QSER1: variants seen among roughly 807,000 people sequenced by gnomAD.
QSER1 encodes the protein glutamine and serine-rich protein 1.
Under a neutral mutation model 158.5 loss-of-function variants are expected in QSER1, and 49 were observed. The ratio of observed to expected loss-of-function variants is 0.31; its 90% CI spans 0.25 to 0.39. The LOEUF (loss-of-function observed/expected upper bound fraction) is 0.39. Among genes scored for constraint, QSER1 ranks in the 10% least tolerant of loss-of-function variants. The probability of loss-of-function intolerance (pLI) is 1.00; values close to 1 mark genes in which losing one functional copy is unlikely to be tolerated. For missense variants in QSER1, 1,754 were observed against 2,010.3 expected, an observed-to-expected ratio of 0.87 and a Z score of 2.44; for synonymous variants, 650 against 715.5, an observed-to-expected ratio of 0.91 and a Z score of 1.46.
At chr11:32,910,779 A>T (rs1259078060) in intron 1 of QSER1, among the ~76,000 whole-genome samples, 6 of 152,202 alleles carry the variant, frequency 3.9e-5, no homozygotes, top group Non-Finnish European at 8.8e-5. Flanking sequence ...GACATTTTAG[A>T]TCTAGGCCAT....
chr11:32,932,145 G>A lies in QSER1; in HGVS notation c.887G>A (p.Ser296Asn), dbSNP rs1159496433. 6.2e-7 allele frequency: 1 copy of A among 1,614,144 alleles called. No individual in the cohort carries two copies. The highest frequency in any genetic ancestry group is 1.7e-5 in the Admixed American group (1 of 60,006). ...TCCCAGCAGACTCCTCAAGCCTACA[G>A]TTCAACTCTCTTTACTAGTTCTACT... ...GGSQQTPQAY[S>N]STLFTSSTAS... The change falls in exon 4 of 13, where the codon AGT becomes AAT. Residue 296 changes from serine (S) to asparagine (N), a missense_variant. Physicochemically the swap from Ser to Asn is conservative, Grantham distance 46. This residue lies in a region of QSER1 where 1,707 missense variants were observed against 1,919.6 expected (regional missense o/e 0.89). Transcript: ENST00000650167.
chr11:32,916,051 G>A (rs528967333), intron 1 of QSER1, among the ~76,000 whole-genome samples: 1 of 151,796 alleles, frequency 6.6e-6, no homozygotes, highest in African/African-American at 2.4e-5. Context: ...ACAGGCATGC[G>A]CCACCACACC....
At chr11:32,957,134 C>CTTTCTTTTTTTTTT (rs1852529932) in intron 7 of QSER1, among the ~76,000 whole-genome samples, 8 of 127,870 alleles carry the variant, frequency 6.3e-5, no homozygotes, top group Non-Finnish European at 1.2e-4. Context: ...CTTTTTTTTT[C>CTTTCTTTTTTTTTT]TTTTTTTTTT....
intron 1 of QSER1, among the ~76,000 whole-genome samples, chr11:32,918,538 G>A (rs1851863657): frequency 1.3e-5 from 2 of 151,262 alleles, no homozygotes; most frequent in Admixed American, 6.7e-5. Flanking sequence ...TAAAATCAGA[G>A]GTGTAAGGGA....
chr11:32,942,610 G>C lies in QSER1; in HGVS notation c.4177+7175G>C, dbSNP rs1002894955. On this transcript the variant is annotated intron_variant, in intron 4 of 12. Coordinates refer to ENST00000650167, the MANE Select transcript of QSER1 (RefSeq NM_001076786.3). Reference sequence around the variant, plus strand: ...GATCTATATCTCTGTTTTGGTACCAGTACCATGCTGTTTTGGTTCCTGTAG... The same window carrying C: ...GATCTATATCTCTGTTTTGGTACCACTACCATGCTGTTTTGGTTCCTGTAG... Among the ~76,000 whole-genome samples, 17 of 152,168 alleles carry C rather than the reference G, an allele frequency of 1.1e-4. 1 individual carries two copies.
At chr11:32,897,453 T>G (rs1851569395) in intron 1 of QSER1, among the ~76,000 whole-genome samples, 1 of 152,236 alleles carries the variant, frequency 6.6e-6, no homozygotes, top group South Asian at 2.1e-4. Context: ...TTGTCACCGT[T>G]GACCATTACC....
chr11:32,927,940 TA>T (rs1472116937), intron 2 of QSER1, 21 bp from the exon 3 acceptor site: 1 of 606,826 alleles, frequency 1.6e-6, no homozygotes, highest in Non-Finnish European at 2.8e-6. Flanking sequence ...TACTTTGGGA[TA>T]TATTTTATCT....
At chr11:32,914,199 A>C (rs934091228) in intron 1 of QSER1, among the ~76,000 whole-genome samples, 1 of 152,222 alleles carries the variant, frequency 6.6e-6, no homozygotes, top group African/African-American at 2.4e-5. Flanking sequence ...AAAAATATTT[A>C]TCTTAACTGA....
chr11:32,975,402 C>G, intron 12 of QSER1, 59 bp downstream of exon 12: 1 of 1,593,396 alleles, frequency 6.3e-7, no homozygotes, highest in African/African-American at 1.3e-5. Context: ...GAGACTCTAG[C>G]CATAGTATTT....
intron 4 of QSER1, among the ~76,000 whole-genome samples, chr11:32,952,157 A>G (rs773772129): frequency 2.6e-5 from 4 of 152,134 alleles, no homozygotes; most frequent in African/African-American, 4.8e-5. Flanking sequence ...TTTTCTATAT[A>G]CAAGATCATA....
chr11:32,932,668 C>T lies in QSER1; in HGVS notation c.1410C>T (p.Ser470=). The change falls in exon 4 of 13, where the codon TCC becomes TCT. Residue 470 remains serine (S), a synonymous_variant. Coordinates refer to ENST00000650167, the MANE Select transcript of QSER1 (RefSeq NM_001076786.3). ...CAAGCCTTTTATCAGTTAGTCAGTC[C>T]CAAAATTACGGTTTAGTACAGCCAC... ...QLPSLLSVSQ[S]QNYGLVQPHN... 1 of 1,614,060 alleles carries T rather than the reference C, an allele frequency of 6.2e-7. No homozygotes were observed.
In QSER1 at chr11:32,928,106, C is replaced by G. The variant is rs1851998253; in HGVS notation, c.467C>G (p.Ala156Gly). The G allele has an allele frequency of 6.2e-7, 1 of 1,610,796 alleles. No individual in the cohort carries two copies. ...ACTACTCTCTTACCACAATTCAGGG[C>G]TCCATCCTGGCAGACAGGTGATTTT... is the stretch of plus-strand genomic sequence containing the variant. The part of the protein sequence containing the change: ...SGTTLLPQFR[A>G]PSWQTGMHSS... Residue 156 changes from alanine to glycine, a missense_variant, in exon 3 of 13, where the codon GCT (alanine) becomes GGT (glycine). Transcript: ENST00000650167.
chr11:32,913,049 A>G (rs115115910), intron 1 of QSER1, among the ~76,000 whole-genome samples: 2,589 of 152,168 alleles, frequency 0.017, 70 homozygotes, highest in African/African-American at 0.059. Context: ...CTGTTCTCCA[A>G]TACAACCATG....
intron 8 of QSER1, 65 bp downstream of exon 8, chr11:32,958,151 G>A (rs1029087395): frequency 4.9e-6 from 6 of 1,221,860 alleles, no homozygotes; most frequent in Non-Finnish European, 7.1e-6. Context: ...GTGAGGAGCA[G>A]GATGCTGACA....
At chr11:32,956,963 C>T (rs1852524394) in intron 7 of QSER1, among the ~76,000 whole-genome samples, 1 of 151,958 alleles carries the variant, frequency 6.6e-6, no homozygotes, top group African/African-American at 2.4e-5. Context: ...TGGGATTTTA[C>T]CATGTTGCTC....
At chr11:32,898,854 C>T (rs527440432) in intron 1 of QSER1, among the ~76,000 whole-genome samples, 2 of 152,332 alleles carry the variant, frequency 1.3e-5, no homozygotes, top group Admixed American at 1.3e-4. Context: ...CACCATGCCT[C>T]GCACTGGCCT....
intron 4 of QSER1, among the ~76,000 whole-genome samples, chr11:32,937,214 T>G (rs1852164966): frequency 1.3e-5 from 2 of 152,204 alleles, no homozygotes; most frequent in Admixed American, 1.3e-4. Context: ...TGTTGCCTCA[T>G]CTGAAAAAAG....
In QSER1 at chr11:32,931,919, AT is replaced by A. The variant is rs1852052853; in HGVS notation, c.665del (p.Leu222Ter). ...AACTTTTAACACTACATCAAATGGA[AT>A]TTTAAGTCATCATGACCCTTTGCTA... is the stretch of plus-strand genomic sequence containing the variant. ...DSTFNTTSNGILSHHDPLLQI... is the reference protein window; with the variant it reads ...DSTFNTTSNGXLSHHDPLLQI... On this transcript the variant is annotated frameshift_variant, in exon 4 of 13. Transcript: ENST00000650167. LOFTEE classifies it high-confidence loss of function. The A allele has an allele frequency of 6.2e-7, 1 of 1,614,074 alleles. No homozygotes were observed. Among genetic ancestry groups the A allele is most frequent in the African/African-American group, 1.3e-5 (1 of 74,942 alleles).
intron 5 of QSER1, among the ~76,000 whole-genome samples, chr11:32,954,714 C>A (rs1852482750): frequency 6.6e-6 from 1 of 152,062 alleles, no homozygotes; most frequent in Non-Finnish European, 1.5e-5. Context: ...GAGATGGGAT[C>A]ATGCTATGTT....
Sources: gnomAD v4.1 joint callset for allele counts (sites outside exome capture counted in the v4.1 genomes callset) on GRCh38, gnomAD v4.1.1 for gene constraint, gnomAD v4.1.1 regional missense constraint, MANE v1.5 for transcripts, NCBI Gene and HGNC (gene_info 2026-07-23, HGNC 2026-07-21) for gene names.